Variants in CDH3 observed in about 807,000 individuals in gnomAD.
The protein encoded by CDH3 is cadherin 3.
CDH3 carries 54 observed loss-of-function variants against 82.0 expected under a neutral mutation model. The observed-to-expected ratio is 0.66, with a 90% CI of 0.53 to 0.83. The LOEUF (loss-of-function observed/expected upper bound fraction) is 0.83, where lower values mean the gene tolerates loss of function less well. Ranked by LOEUF, CDH3 falls within the 40% of genes least tolerant of loss-of-function variation. The pLI, the probability that CDH3 is intolerant of heterozygous loss-of-function variation, is 0.00. For missense variants in CDH3, 1,054 were observed against 1,084.6 expected (o/e 0.97, Z 0.40); for synonymous variants, 446 against 437.9 (o/e 1.02, Z -0.23).
intron 9 of CDH3, among the ~76,000 whole-genome samples, chr16:68,683,466 A>T (rs1205127788): frequency 6.6e-6 from 1 of 151,578 alleles, no homozygotes; most frequent in Non-Finnish European, 1.5e-5. Context: ...CCTGGCTAAC[A>T]TGGTGAAACC....
intron 2 of CDH3, among the ~76,000 whole-genome samples, chr16:68,658,676 G>A (rs1208835489): frequency 6.6e-6 from 1 of 152,154 alleles, no homozygotes; most frequent in African/African-American, 2.4e-5. Flanking sequence ...CCCACACACT[G>A]CCTTCTCCCT....
chr16:68,690,337 C>T (rs1388364163), intron 12 of CDH3, among the ~76,000 whole-genome samples: 2 of 152,144 alleles, frequency 1.3e-5, no homozygotes, highest in South Asian at 2.1e-4. Flanking sequence ...TAATTGAATG[C>T]GGCCTGGCAT....
chr16:68,693,762 AATG>A (rs777060761), intron 13 of CDH3, among the ~76,000 whole-genome samples: 10 of 152,284 alleles, frequency 6.6e-5, no homozygotes, highest in Non-Finnish European at 1.3e-4. Context: ...GCAAAAAAGT[AATG>A]ATCCTGAGCA....
intron 2 of CDH3, among the ~76,000 whole-genome samples, chr16:68,650,041 A>G (rs1200540128): frequency 1.3e-5 from 2 of 151,788 alleles, no homozygotes; most frequent in Non-Finnish European, 2.9e-5. Context: ...CTCAAAGAAA[A>G]AAAAAAAACC....
chr16:68,698,373 C>T lies in CDH3; in HGVS notation c.2463C>T (p.Asp821=). 1 of 1,614,214 alleles carries T rather than the reference C, an allele frequency of 6.2e-7. No individual in the cohort carries two copies. The highest frequency in any genetic ancestry group is 1.1e-5 in the South Asian group (1 of 91,088). ...GCAGCCGCTTCAAGAAGCTGGCAGA[C>T]ATGTACGGTGGCGGGGAGGACGACT... The part of the protein sequence containing the change: ...EWGSRFKKLA[D]MYGGGEDD Residue 821 remains aspartate (D), a synonymous_variant, in exon 16 of 16, where the codon GAC becomes GAT. Coordinates refer to ENST00000264012, the MANE Select transcript of CDH3 (RefSeq NM_001793.6).
intron 14 of CDH3, among the ~76,000 whole-genome samples, 191 bp downstream of exon 14, chr16:68,695,576 A>C (rs537334698): frequency 8.9e-4 from 136 of 152,350 alleles, no homozygotes; most frequent in Non-Finnish European, 1.7e-3. Flanking sequence ...TAGCCAAGTT[A>C]ACCTCAAGCC....
At chr16:68,719,427 TTGTCGGGGACCAGGAATGAGGGG>T (rs1962135083) in intron 1 of CDH3, among the ~76,000 whole-genome samples, 1 of 151,446 alleles carries the variant, frequency 6.6e-6, no homozygotes, top group African/African-American at 2.4e-5. Flanking sequence ...GGCCCAGTGG[TTGTCGGGGACCAGGAATGAGGGG>T]TGTGGTCATC....
chr16:68,679,032 T>C (rs1961126265), intron 6 of CDH3, 126 bp downstream of exon 6: 2 of 957,988 alleles, frequency 2.1e-6, no homozygotes, highest in East Asian at 2.6e-5. Context: ...AAAATCCAGA[T>C]TTCCCCCCTT....
chr16:68,661,337 CT>C, intron 2 of CDH3, among the ~76,000 whole-genome samples: 1 of 152,172 alleles, frequency 6.6e-6, no homozygotes, highest in East Asian at 1.9e-4. Context: ...GGGCAAGTTA[CT>C]TAACCTCTGT....
intron 11 of CDH3, 50 bp from the exon 12 acceptor site, chr16:68,687,462 G>A: frequency 1.3e-6 from 2 of 1,488,966 alleles, no homozygotes; most frequent in Non-Finnish European, 1.9e-6. Context: ...CCCCCCTGAG[G>A]CTGACTGGGT....
chr16:68,731,634 T>G (rs1962295104), downstream of CDH3, among the ~76,000 whole-genome samples: 1 of 147,628 alleles, frequency 6.8e-6, no homozygotes, highest in Admixed American at 6.9e-5. Context: ...CTCAGGAGTT[T>G]GAGACCAGCC....
chr16:68,660,300 A>G (rs1337056839), intron 2 of CDH3, among the ~76,000 whole-genome samples: 1 of 152,248 alleles, frequency 6.6e-6, no homozygotes, highest in African/African-American at 2.4e-5. Context: ...TATCTAAATA[A>G]TAGTCAATAG....
chr16:68,666,952 T>TTTGTCACA (rs1164105509), intron 2 of CDH3, among the ~76,000 whole-genome samples: 10 of 152,080 alleles, frequency 6.6e-5, no homozygotes, highest in Admixed American at 1.3e-4. Context: ...CAGGTATGGT[T>TTTGTCACA]TTGTCACATC....
chr16:68,655,509 T>C (rs1221067206), intron 2 of CDH3, among the ~76,000 whole-genome samples: 6 of 152,176 alleles, frequency 3.9e-5, no homozygotes, highest in Non-Finnish European at 7.4e-5. Context: ...TATCTGCTAG[T>C]ATAGAGGGAC....
intron 4 of CDH3, 93 bp downstream of exon 4, chr16:68,678,370 C>A: frequency 1.3e-6 from 2 of 1,586,456 alleles, no homozygotes; most frequent in Non-Finnish European, 1.7e-6. Context: ...AATGTGGGGG[C>A]TGAGACAGAA....
chr16:68,660,914 C>G (rs3118236), intron 2 of CDH3, among the ~76,000 whole-genome samples: 130,058 of 150,698 alleles, frequency 0.86, 56,398 homozygotes, highest in African/African-American at 0.93. Context: ...AGCCGAGATC[C>G]CGCCACTGCA....
At chr16:68,730,248 C>T (rs977856520), downstream of CDH3, among the ~76,000 whole-genome samples, 19 of 142,576 alleles carry the variant, frequency 1.3e-4, no homozygotes, top group African/African-American at 4.6e-4. Context: ...AAAAAAAAGC[C>T]GGGCACGGTG....
chr16:68,672,220 TAA>T (rs1229452362), intron 2 of CDH3, among the ~76,000 whole-genome samples: 1 of 139,160 alleles, frequency 7.2e-6, no homozygotes, highest in South Asian at 2.3e-4. Context: ...AAATAAAAAA[TAA>T]AAAAAAAAGA....
At chr16:68,692,721 C>T (rs1251706439) in intron 13 of CDH3, among the ~76,000 whole-genome samples, 1 of 152,142 alleles carries the variant, frequency 6.6e-6, no homozygotes, top group Admixed American at 6.5e-5. Context: ...AAGATAGAAC[C>T]TATCACAGTT....
Sources: allele counts gnomAD v4.1 joint callset (sites outside exome capture counted in the v4.1 genomes callset), GRCh38; gene constraint gnomAD v4.1.1; transcripts MANE v1.5; gene names NCBI Gene and HGNC (gene_info 2026-07-23, HGNC 2026-07-21).